ABCB9: variants seen among roughly 807,000 people sequenced by gnomAD.
ABCB9 encodes ATP binding cassette subfamily B member 9, also known as ABC-type oligopeptide transporter ABCB9.
ABCB9 carries 36 observed loss-of-function variants against 62.0 expected under a neutral mutation model. The observed-to-expected ratio is 0.58, with a 90% CI of 0.45 to 0.77. ABCB9 has a LOEUF of 0.77. ABCB9 is among the 30% of genes least tolerant of loss of function. The pLI is 0.00. For synonymous variants in ABCB9, 435 were observed against 461.4 expected (o/e 0.94, Z 0.73); for missense variants, 943 against 1,054.7 (o/e 0.89, Z 1.47).
Position 122,940,930 on chromosome 12 carries a change from G to T in ABCB9, c.1446C>A (p.Phe482Leu). The T allele has an allele frequency of 6.2e-7, 1 of 1,612,814 alleles. No individual in the cohort carries two copies. Reference sequence around the variant, plus strand: ...GCACCATGGTCGGCTGCCGGTCGATGAACTCGAACACCTTCTCAGCAGCCC... The same window carrying T: ...GCACCATGGTCGGCTGCCGGTCGATTAACTCGAACACCTTCTCAGCAGCCC... ...GVGAAEKVFEFIDRQPTMVHD... is the reference protein window; with the variant it reads ...GVGAAEKVFELIDRQPTMVHD... The change falls in exon 8 of 12, where the codon TTC (phenylalanine) becomes TTA (leucine). Residue 482 changes from phenylalanine (F) to leucine (L), a missense_variant. Physicochemically the swap from Phe to Leu is conservative, Grantham distance 22 (BLOSUM62 0). Transcript: ENST00000280560. This position sits in a 1 kb window ranked among gnomAD's most constrained non-coding sequence, Gnocchi z 4.8.
rs112875718 is a variant in ABCB9, at chr12:122,950,326, A to G, written c.716+125T>C. On this transcript the variant is annotated intron_variant, in intron 3 of 11. Coordinates refer to ENST00000280560, the MANE Select transcript of ABCB9 (RefSeq NM_019625.4). ...GGTTCCCAGGGTGACCAGCTGAGGG[A>G]CAGGCCCACCAGGGGCATTTCCAGG... The G allele has an allele frequency of 1.0e-3, 891 of 891,328 alleles. 3 individuals are homozygous for G. In the African/African-American group the frequency reaches 0.012, roughly 12 times the overall value. 55.2% of individuals were successfully genotyped at this position (891,328 alleles called of 1,614,324 possible).
chr12:122,944,336 C>G lies in ABCB9; in HGVS notation c.1380+55G>C, dbSNP rs1213866212. The G allele has an allele frequency of 6.4e-7, 1 of 1,559,932 alleles. No individual in the cohort carries two copies. Among genetic ancestry groups the G allele is most frequent in the East Asian group, 2.3e-5 (1 of 43,220 alleles). The stretch of plus-strand genomic sequence containing the variant: ...CCCCGCCCCCACCCTGTTAAGATCC[C>G]TCTTCCCCAAACTCCTCCCTTCTCT... On this transcript the variant is annotated intron_variant, in intron 7 of 11. Transcript: ENST00000280560. The surrounding 1 kb of genome is among the most constrained non-coding windows in gnomAD (Gnocchi z 4.9).
At chr12:122,928,377 G>A (rs1048514000), downstream of ABCB9, among the ~76,000 whole-genome samples, 1 of 151,770 alleles carries the variant, frequency 6.6e-6, no homozygotes, top group Non-Finnish European at 1.5e-5. Context: ...GCTGAGGCAG[G>A]AGAATCGCTT....
At chr12:122,955,605 C>T (rs2036576786) in intron 2 of ABCB9, among the ~76,000 whole-genome samples, 1 of 152,250 alleles carries the variant, frequency 6.6e-6, no homozygotes, top group Non-Finnish European at 1.5e-5. Context: ...TGGTCTTGAA[C>T]TCCTGGCCTC....
chr12:122,936,252 G>A lies in ABCB9; in HGVS notation c.1744-821C>T, dbSNP rs1220919772. Among the ~76,000 whole-genome samples the A allele has an allele frequency of 5.9e-5, 9 of 152,054 alleles. No homozygotes were observed. In the South Asian group the frequency reaches 1.2e-3, roughly 21 times the overall value. ...ATTTTTGTTTAAAAAAATTATAAAC[G>A]TGTACCTTCATATATTGATATATTT... On this transcript the variant is annotated intron_variant, in intron 9 of 11. Transcript: ENST00000280560.
At position 122,923,927 on chromosome 12, in the gene ABCB9, G is replaced by A. The variant is rs535310401; in HGVS notation, c.2041-2884C>T. 1.7e-4 allele frequency among the ~76,000 whole-genome samples: 26 copies of A among 152,274 alleles called. No individual in the cohort carries two copies. In the East Asian group the frequency reaches 5.0e-3, roughly 29 times the overall value. On this transcript the variant is annotated intron_variant, in intron 11 of 11. Transcript: ENST00000344275. ...GAGGTTGACACAGACCAGTCCAGTC[G>A]ACAGGGGAGCTGCAGCAGATAGCAG... is the stretch of plus-strand genomic sequence containing the variant.
chr12:122,960,128 C>T lies in ABCB9; in HGVS notation c.108G>A (p.Glu36=). Reference sequence around the variant, plus strand: ...CAAAGATGTTGAAGTGGCGGATGTCCTCCAGGAGGCTGCGGTCCAGGTGGC... The same window carrying T: ...CAAAGATGTTGAAGTGGCGGATGTCTTCCAGGAGGCTGCGGTCCAGGTGGC... ...VFSHLDRSLL[E]DIRHFNIFDS... The change falls in exon 2 of 12, where the codon GAG becomes GAA. Residue 36 remains glutamate (E), a synonymous_variant. Transcript: ENST00000280560. 6.2e-7 allele frequency: 1 copy of T among 1,613,730 alleles called. No individual in the cohort carries two copies.
intron 1 of ABCB9, among the ~76,000 whole-genome samples, chr12:122,966,056 TA>T (rs143513886): frequency 0.013 from 2,023 of 151,934 alleles, 43 homozygotes; most frequent in African/African-American, 0.046. Flanking sequence ...CCTTGGGGGT[TA>T]AAAAAAATGG....
intron 10 of ABCB9, 80 bp downstream of exon 10, chr12:122,935,192 G>A (rs1333105438): frequency 7.0e-7 from 1 of 1,431,922 alleles, no homozygotes; most frequent in African/African-American, 1.4e-5. Flanking sequence ...AGGTGGCAGG[G>A]GGCAGTGCTT....
intron 11 of ABCB9, among the ~76,000 whole-genome samples, chr12:122,923,511 C>G (rs182649690): frequency 4.7e-3 from 713 of 151,984 alleles, no homozygotes; most frequent in African/African-American, 0.012. Context: ...GGATGGTCTC[C>G]ATCTCCTGAC....
At chr12:122,951,240 CTT>C (rs369469703) in intron 2 of ABCB9, among the ~76,000 whole-genome samples, 53 of 135,768 alleles carry the variant, frequency 3.9e-4, no homozygotes, top group Non-Finnish European at 3.5e-4. Context: ...AAATATTTTC[CTT>C]TTTTTTTTTT....
rs1224909889 is a variant in ABCB9, at chr12:122,947,395, G to A, written c.1054-1173C>T. The A allele has an allele frequency of 7.3e-6, 3 of 408,638 alleles. No homozygotes were observed. Among genetic ancestry groups the A allele is most frequent in the African/African-American group, 6.1e-5 (3 of 49,238 alleles). 25.3% of individuals were successfully genotyped at this position (408,638 alleles called of 1,614,324 possible). A position where few individuals can be genotyped will look rare whatever the true frequency, so the allele number is the denominator to read the frequency against. ...TGGGGAGTGGCCTCACCGGGGGCTG[G>A]GTGGGAGATGGCTTCCTTTGCTACC... is the stretch of plus-strand genomic sequence containing the variant. On this transcript the variant is annotated intron_variant, in intron 5 of 11. Coordinates refer to ENST00000280560, the MANE Select transcript of ABCB9 (RefSeq NM_019625.4). This position sits in a 1 kb window ranked among gnomAD's most constrained non-coding sequence, Gnocchi z 6.0.
At chr12:122,941,975 T>C (rs2035784629) in intron 7 of ABCB9, among the ~76,000 whole-genome samples, 1 of 151,374 alleles carries the variant, frequency 6.6e-6, no homozygotes, top group African/African-American at 2.4e-5. Flanking sequence ...GGAATCCGCC[T>C]GCCTCAGCCT....
At chr12:122,948,936 C>A in intron 4 of ABCB9, 107 bp from the exon 5 acceptor site, 3 of 864,418 alleles carry the variant, frequency 3.5e-6, no homozygotes, top group Non-Finnish European at 4.9e-6. Context: ...CCGGGCCTCC[C>A]TACCTGTGGG....
In ABCB9 at chr12:122,953,769, G is replaced by A. The variant is rs570413671; in HGVS notation, c.602-3204C>T. On this transcript the variant is annotated intron_variant, in intron 2 of 11. Transcript: ENST00000280560. ...ACTCTTGACCTCAAGTGATCTGCCC[G>A]CCTCGGCCTTCCAAAATGCTGGGAT... 3.9e-5 allele frequency among the ~76,000 whole-genome samples: 6 copies of A among 152,078 alleles called. No homozygotes were observed. In the South Asian group the frequency reaches 8.3e-4, roughly 21 times the overall value.
chr12:122,926,188 T>A (rs2034899542), downstream of ABCB9, among the ~76,000 whole-genome samples: 1 of 152,202 alleles, frequency 6.6e-6, no homozygotes, highest in Admixed American at 6.5e-5. Context: ...ACATCATAAG[T>A]GTACTAGATG....
chr12:122,951,649 G>A (rs1289938107), intron 2 of ABCB9: 1 of 152,294 alleles, frequency 6.6e-6, no homozygotes, highest in African/African-American at 2.4e-5. Flanking sequence ...CTCAGAAGAC[G>A]TTGCTATTCT....
intron 9 of ABCB9, among the ~76,000 whole-genome samples, chr12:122,938,691 T>G (rs1214482146): frequency 6.6e-6 from 1 of 151,394 alleles, no homozygotes; most frequent in African/African-American, 2.4e-5. Flanking sequence ...AGCCAGGCGT[T>G]GTGGTGTGCA....
intron 2 of ABCB9, among the ~76,000 whole-genome samples, chr12:122,956,596 C>T (rs975288809): frequency 2.0e-5 from 3 of 152,242 alleles, no homozygotes; most frequent in African/African-American, 7.2e-5. Context: ...GCTTGGCTCA[C>T]TGCAACCTCT....
Sources: allele counts gnomAD v4.1 joint callset (sites outside exome capture counted in the v4.1 genomes callset), GRCh38; gene constraint gnomAD v4.1.1; non-coding constraint Gnocchi (gnomAD v3.1); transcripts MANE v1.5; gene names NCBI Gene and HGNC (gene_info 2026-07-23, HGNC 2026-07-21).